Variants in CDC25A observed in about 807,000 individuals in gnomAD.
CDC25A encodes the protein cell division cycle 25A.
CDC25A carries 17 observed loss-of-function variants against 64.6 expected under a neutral mutation model. The observed-to-expected ratio is 0.26, with a 90% CI of 0.18 to 0.39. The LOEUF is 0.39. Ranked by LOEUF, CDC25A falls within the 10% of genes least tolerant of loss-of-function variation. The probability of loss-of-function intolerance (pLI) is 1.00; values close to 1 mark genes in which losing one functional copy is unlikely to be tolerated. For synonymous variants in CDC25A, 229 were observed against 238.6 expected (o/e 0.96, Z 0.37); for missense variants, 473 against 654.8 (o/e 0.72, Z 3.03).
chr3:48,158,679 A>G lies in CDC25A; in HGVS notation c.*266T>C, dbSNP rs17464. On this transcript the variant is annotated 3_prime_UTR_variant, in exon 15 of 15. Coordinates refer to ENST00000302506, the MANE Select transcript of CDC25A (RefSeq NM_001789.3). ...GCTGGTTCATCCCACTGTGGCTCAGAGCAGCTTGACACGGTGCTCAGAACT... is the reference window on the plus strand; with the variant it reads ...GCTGGTTCATCCCACTGTGGCTCAGGGCAGCTTGACACGGTGCTCAGAACT... 3,056 of 346,436 alleles carry G rather than the reference A, an allele frequency of 8.8e-3. 17 individuals are homozygous for G. The highest frequency in any genetic ancestry group is 0.013 in the Middle Eastern group (15 of 1,194). 21.5% of individuals were successfully genotyped at this position (346,436 alleles called of 1,614,324 possible).
chr3:48,175,392 C>G (rs1236560663), intron 8 of CDC25A, among the ~76,000 whole-genome samples: 1 of 152,230 alleles, frequency 6.6e-6, no homozygotes, highest in African/African-American at 2.4e-5. Context: ...AAACGCATCT[C>G]AGCCTATTCT....
At chr3:48,159,978 G>C (rs2031679806) in intron 13 of CDC25A, among the ~76,000 whole-genome samples, 1 of 152,008 alleles carries the variant, frequency 6.6e-6, no homozygotes, top group Non-Finnish European at 1.5e-5. Context: ...GAGGCCCCAA[G>C]TCCTTCAGAG....
intron 6 of CDC25A, among the ~76,000 whole-genome samples, chr3:48,179,658 C>T (rs770792147): frequency 6.6e-6 from 1 of 152,188 alleles, no homozygotes; most frequent in Non-Finnish European, 1.5e-5. Context: ...TGAGCCACCA[C>T]ACCCAGCCAG....
chr3:48,174,896 G>A (rs534511875), intron 8 of CDC25A: 4 of 153,454 alleles, frequency 2.6e-5, no homozygotes, highest in African/African-American at 9.6e-5. Context: ...AATAAAAATG[G>A]GGGCATCTTT....
intron 13 of CDC25A, among the ~76,000 whole-genome samples, 165 bp downstream of exon 13, chr3:48,164,142 G>T (rs1001483048): frequency 6.6e-6 from 1 of 152,214 alleles, no homozygotes; most frequent in Admixed American, 6.5e-5. Context: ...GACTGGAAGA[G>T]CCAAAGTTCA....
intron 9 of CDC25A, among the ~76,000 whole-genome samples, chr3:48,169,320 A>G (rs923015639): frequency 1.3e-5 from 2 of 152,264 alleles, no homozygotes; most frequent in African/African-American, 4.8e-5. Context: ...AAATCTGGGC[A>G]GCAATCACCA....
At chr3:48,175,297 C>CAATA (rs927788386) in intron 8 of CDC25A, among the ~76,000 whole-genome samples, 30 of 151,826 alleles carry the variant, frequency 2.0e-4, no homozygotes, top group East Asian at 3.9e-4. Flanking sequence ...GACTCTGTCT[C>CAATA]AATAAATAAA....
At chr3:48,169,542 T>C (rs2032185027) in intron 9 of CDC25A, among the ~76,000 whole-genome samples, 1 of 152,174 alleles carries the variant, frequency 6.6e-6, no homozygotes, top group African/African-American at 2.4e-5. Context: ...AATAAAAATA[T>C]GCAAGAGGGA....
At position 48,157,458 on chromosome 3, in the gene CDC25A, C is replaced by A. The variant is rs2031566222; in HGVS notation, c.*1487G>T. 6.6e-6 allele frequency: 1 copy of A among 152,604 alleles called. No homozygotes were observed. The highest frequency in any genetic ancestry group is 1.5e-5 in the Non-Finnish European group (1 of 68,044). 9.5% of individuals were successfully genotyped at this position (152,604 alleles called of 1,614,324 possible). A position where few individuals can be genotyped will look rare whatever the true frequency, so the allele number is the denominator to read the frequency against. ...CCATCTCCAGTATCACTGATTCCCACCCCAAGAAGTTGAGGTAAGAGGGGA... is the reference window on the plus strand; with the variant it reads ...CCATCTCCAGTATCACTGATTCCCAACCCAAGAAGTTGAGGTAAGAGGGGA... On this transcript the variant is annotated 3_prime_UTR_variant, in exon 15 of 15. Coordinates refer to ENST00000302506, the MANE Select transcript of CDC25A (RefSeq NM_001789.3).
intron 9 of CDC25A, among the ~76,000 whole-genome samples, chr3:48,173,955 G>A (rs1031183702): frequency 6.6e-6 from 1 of 152,082 alleles, no homozygotes; most frequent in African/African-American, 2.4e-5. Context: ...GCTTCAACAG[G>A]CAATTATGAA....
chr3:48,170,890 G>A (rs2032245066), intron 9 of CDC25A, among the ~76,000 whole-genome samples: 1 of 151,976 alleles, frequency 6.6e-6, no homozygotes, highest in South Asian at 2.1e-4. Context: ...TATGATAACT[G>A]TACTCTAGCA....
chr3:48,183,380 C>T (rs1310563979), intron 4 of CDC25A, among the ~76,000 whole-genome samples: 3 of 152,152 alleles, frequency 2.0e-5, no homozygotes, highest in African/African-American at 2.4e-5. Flanking sequence ...TCCTCCAGAC[C>T]GAACATCTTG....
At chr3:48,164,503 T>A in intron 12 of CDC25A, 66 bp from the exon 13 acceptor site, 1 of 1,388,244 alleles carries the variant, frequency 7.2e-7, no homozygotes, top group Non-Finnish European at 9.5e-7. Context: ...TTCAGCAAGA[T>A]GTAATGATTC....
intron 13 of CDC25A, among the ~76,000 whole-genome samples, chr3:48,163,298 A>AGAAAG (rs1257731326): frequency 6.8e-6 from 1 of 148,124 alleles, no homozygotes; most frequent in Non-Finnish European, 1.5e-5. Flanking sequence ...AAAAAAAAAA[A>AGAAAG]AAAGAAAGAA....
intron 12 of CDC25A, 61 bp downstream of exon 12, chr3:48,165,575 C>G: frequency 8.5e-7 from 1 of 1,178,126 alleles, no homozygotes; most frequent in Non-Finnish European, 1.3e-6. Context: ...CTGTCCTCCC[C>G]ACTTTAAAAC....
At position 48,174,559 on chromosome 3, in the gene CDC25A, A is replaced by G. The variant is rs2032388715; in HGVS notation, c.757-102T>C. ...GGTTTCCTGGGATGATCTAAGATCA[A>G]TTCTAAATTAGCCAACAGACACTGC... On this transcript the variant is annotated intron_variant, in intron 8 of 14. Transcript: ENST00000302506. 9 of 1,163,146 alleles carry G rather than the reference A, an allele frequency of 7.7e-6. 1 individual carries two copies. In the Middle Eastern group the frequency reaches 6.5e-4, roughly 84 times the overall value. 72.1% of individuals were successfully genotyped at this position (1,163,146 alleles called of 1,614,324 possible). A position where few individuals can be genotyped will look rare whatever the true frequency, so the allele number is the denominator to read the frequency against.
At chr3:48,187,436 C>G (rs2032881462) in intron 1 of CDC25A, among the ~76,000 whole-genome samples, 3 of 152,266 alleles carry the variant, frequency 2.0e-5, no homozygotes, top group Non-Finnish European at 2.9e-5. Flanking sequence ...AAGTGAGTGC[C>G]TAGAAGAGCC....
At chr3:48,160,326 G>A (rs1293366257) in intron 13 of CDC25A, among the ~76,000 whole-genome samples, 1 of 151,814 alleles carries the variant, frequency 6.6e-6, no homozygotes, top group Non-Finnish European at 1.5e-5. Flanking sequence ...GGCCAGGATG[G>A]TCTCGACCTC....
chr3:48,164,317 C>T lies in CDC25A; in HGVS notation c.1312G>A (p.Gly438Ser). ...VFHCEFSSER[G>S]PRMCRYVRER... ...CCGTGCAGCACTCACATGCGGGGAC[C>T]TCTCTCAGAAGAAAACTCGCAGTGA... Residue 438 changes from glycine (G) to serine (S), a missense_variant, in exon 13 of 15, where the codon GGT becomes AGT. Coordinates refer to ENST00000302506, the MANE Select transcript of CDC25A (RefSeq NM_001789.3). The T allele has an allele frequency of 6.3e-7, 1 of 1,591,536 alleles. No individual in the cohort carries two copies. The highest frequency in any genetic ancestry group is 8.5e-7 in the Non-Finnish European group (1 of 1,170,732).
Sources: allele counts gnomAD v4.1 joint callset (sites outside exome capture counted in the v4.1 genomes callset), GRCh38; gene constraint gnomAD v4.1.1; transcripts MANE v1.5; gene names NCBI Gene and HGNC (gene_info 2026-07-23, HGNC 2026-07-21).